CPA4: variants seen among roughly 807,000 people sequenced by gnomAD.
The protein encoded by CPA4 is carboxypeptidase A3.
A neutral mutation model predicts 54.7 loss-of-function variants in CPA4; 49 were observed. The observed-to-expected ratio is 0.90, with a 90% CI of 0.71 to 1.14. The LOEUF is 1.14. CPA4 is among the 50% of genes most tolerant of loss of function. CPA4 has a pLI of 0.00. For missense variants in CPA4, 487 were observed against 525.1 expected, an observed-to-expected ratio of 0.93 and a Z score of 0.71; for synonymous variants, 215 against 206.8, an observed-to-expected ratio of 1.04 and a Z score of -0.34.
chr7:130,295,697 C>T (rs569374862), intron 1 of CPA4, among the ~76,000 whole-genome samples: 1 of 152,274 alleles, frequency 6.6e-6, no homozygotes, highest in South Asian at 2.1e-4. Context: ...GATAATGCTA[C>T]CGCTGGGTGC....
chr7:130,318,838 T>C (rs2117166582), intron 10 of CPA4, among the ~76,000 whole-genome samples: 1 of 152,352 alleles, frequency 6.6e-6, no homozygotes, highest in South Asian at 2.1e-4. Flanking sequence ...TAGGTTATGG[T>C]GTGTGCTACA....
chr7:130,305,886 T>A lies in CPA4; in HGVS notation c.557T>A (p.Ile186Asn), dbSNP rs773805038. Residue 186 changes from isoleucine to asparagine, a missense_variant, in exon 6 of 11, where the codon ATC (isoleucine) becomes AAC (asparagine). Coordinates refer to ENST00000222482, the MANE Select transcript of CPA4 (RefSeq NM_016352.4). ...GCAGGCATCCATTCCCGAGAGTGGA[T>A]CTCCCAGGCCACTGCAATCTGGACG... is the stretch of plus-strand genomic sequence containing the variant. ...LNAGIHSREW[I>N]SQATAIWTAR... The A allele has an allele frequency of 1.9e-6, 3 of 1,614,008 alleles. No homozygotes were observed. Among genetic ancestry groups the A allele is most frequent in the Non-Finnish European group, 1.7e-6 (2 of 1,179,968 alleles).
At chr7:130,307,359 C>T (rs548636625) in intron 7 of CPA4, among the ~76,000 whole-genome samples, 7 of 152,206 alleles carry the variant, frequency 4.6e-5, no homozygotes, top group Admixed American at 1.3e-4. Flanking sequence ...AGGCCAGGCG[C>T]GGTGGCTCAC....
intron 1 of CPA4, 83 bp from the exon 2 acceptor site, chr7:130,298,663 G>T: frequency 2.4e-6 from 2 of 828,768 alleles, no homozygotes. Flanking sequence ...GTTACGTCTG[G>T]GATAGGAGGC....
At position 130,298,612 on chromosome 7, in the gene CPA4, A is replaced by G. The variant is rs1264146361; in HGVS notation, c.69-134A>G. 6 of 597,780 alleles carry G rather than the reference A, an allele frequency of 1.0e-5. No homozygotes were observed. In the Admixed American group the frequency reaches 1.2e-4, roughly 12 times the overall value. The allele number at this position is 597,780 out of a possible 1,614,324, so 37.0% of individuals were successfully genotyped here. On this transcript the variant is annotated intron_variant, in intron 1 of 10. Coordinates refer to ENST00000222482, the MANE Select transcript of CPA4 (RefSeq NM_016352.4). Reference sequence around the variant, plus strand: ...GTAGCCTCATTTTTAATGGCCATACATTAAAACCAAAGACTAGACCATTTC... The same window carrying G: ...GTAGCCTCATTTTTAATGGCCATACGTTAAAACCAAAGACTAGACCATTTC...
intron 10 of CPA4, among the ~76,000 whole-genome samples, chr7:130,316,157 G>A (rs1178992869): frequency 2.0e-5 from 3 of 152,182 alleles, no homozygotes; most frequent in African/African-American, 7.2e-5. Context: ...CAGCCTCACA[G>A]TTCCCTAAAG....
intron 10 of CPA4, among the ~76,000 whole-genome samples, chr7:130,315,915 GGTAAATGGCTACT>G (rs151151362): frequency 0.025 from 3,813 of 152,222 alleles, 151 homozygotes; most frequent in African/African-American, 0.087. Flanking sequence ...ATGTTGTAGA[GGTAAATGGCTACT>G]GTGGAAGAGA....
chr7:130,299,316 T>C lies in CPA4; in HGVS notation c.197T>C (p.Val66Ala). 6.2e-7 allele frequency: 1 copy of C among 1,613,318 alleles called. No individual in the cohort carries two copies. Residue 66 changes from valine to alanine, a missense_variant, in exon 3 of 11, where the codon GTC becomes GCC. By Grantham distance (64) the Val-to-Ala change is moderately conservative. Transcript: ENST00000222482. ...SPSSFNRPVD[V>A]LVPSVSLQAF... ...TCCTCCTTCAATCGGCCTGTGGATGTCCTGGTCCCATCTGTCAGTCTGCAG... is the reference window on the plus strand; with the variant it reads ...TCCTCCTTCAATCGGCCTGTGGATGCCCTGGTCCCATCTGTCAGTCTGCAG...
At chr7:130,299,570 A>G (rs1793707844) in intron 3 of CPA4, 166 bp downstream of exon 3, 2 of 623,304 alleles carry the variant, frequency 3.2e-6, no homozygotes, top group Non-Finnish European at 5.5e-6. Flanking sequence ...GAGGAACAAC[A>G]TTTTGTAGTA....
At chr7:130,312,287 C>T (rs1169960784) in intron 10 of CPA4, among the ~76,000 whole-genome samples, 165 bp downstream of exon 10, 1 of 152,202 alleles carries the variant, frequency 6.6e-6, no homozygotes, top group Non-Finnish European at 1.5e-5. Flanking sequence ...CTGTTGCATG[C>T]AGTCCCCTTC....
intron 10 of CPA4, among the ~76,000 whole-genome samples, chr7:130,321,002 C>A (rs908706791): frequency 2.0e-5 from 3 of 152,016 alleles, no homozygotes; most frequent in African/African-American, 7.2e-5. Context: ...AGTTTGACAC[C>A]AGCTGGGCAG....
In CPA4 at chr7:130,308,118, A is replaced by G. The variant is rs776192159; in HGVS notation, c.703-189A>G. On this transcript the variant is annotated intron_variant, in intron 7 of 10. Transcript: ENST00000222482. ...CATTTGGAAGAAGTCCTTCTCTTAGAGCCGGAAGGGGAAATACTCCTCTCT... is the reference window on the plus strand; with the variant it reads ...CATTTGGAAGAAGTCCTTCTCTTAGGGCCGGAAGGGGAAATACTCCTCTCT... The G allele has an allele frequency of 1.2e-5, 7 of 604,208 alleles. 1 individual carries two copies. The highest frequency in any genetic ancestry group is 5.3e-4 in the Middle Eastern group (2 of 3,790). The allele number at this position is 604,208 out of a possible 1,614,324, so 37.4% of individuals were successfully genotyped here.
At chr7:130,320,767 T>G (rs1374841988) in intron 10 of CPA4, among the ~76,000 whole-genome samples, 1 of 152,242 alleles carries the variant, frequency 6.6e-6, no homozygotes, top group African/African-American at 2.4e-5. Context: ...TTTCCTCATC[T>G]GTAAAACAAG....
At chr7:130,318,143 G>A (rs1217231152) in intron 10 of CPA4, among the ~76,000 whole-genome samples, 7 of 152,158 alleles carry the variant, frequency 4.6e-5, no homozygotes, top group Admixed American at 6.5e-5. Context: ...TAATTAGAAC[G>A]GAGTGAGGGG....
intron 5 of CPA4, 27 bp from the exon 6 acceptor site, chr7:130,305,789 T>A (rs775735959): frequency 6.3e-7 from 1 of 1,587,264 alleles, no homozygotes; most frequent in Non-Finnish European, 8.7e-7. Flanking sequence ...CAGGCGGTCA[T>A]TTTCGAGCCT....
At chr7:130,307,589 G>C (rs1409133312) in intron 7 of CPA4, among the ~76,000 whole-genome samples, 4 of 142,550 alleles carry the variant, frequency 2.8e-5, no homozygotes, top group Admixed American at 7.4e-5. Flanking sequence ...CCGAGATGGC[G>C]CCACTGCTCC....
intron 5 of CPA4, among the ~76,000 whole-genome samples, chr7:130,305,428 C>T (rs1793804086): frequency 6.6e-6 from 1 of 152,178 alleles, no homozygotes; most frequent in Non-Finnish European, 1.5e-5. Flanking sequence ...TAGTTTAAAA[C>T]CAAATTCATT....
chr7:130,300,688 G>T, intron 3 of CPA4, 128 bp from the exon 4 acceptor site: 1 of 617,354 alleles, frequency 1.6e-6, no homozygotes. Context: ...TTTAAACCTT[G>T]ACATTTGTGC....
At chr7:130,305,078 T>C (rs976883637) in intron 5 of CPA4, among the ~76,000 whole-genome samples, 1 of 152,302 alleles carries the variant, frequency 6.6e-6, no homozygotes, top group African/African-American at 2.4e-5. Flanking sequence ...TAGAGAGCTA[T>C]GATAATGACA....
Sources: gnomAD v4.1 joint callset for allele counts (sites outside exome capture counted in the v4.1 genomes callset) on GRCh38, gnomAD v4.1.1 for gene constraint, MANE v1.5 for transcripts, NCBI Gene and HGNC (gene_info 2026-07-23, HGNC 2026-07-21) for gene names.